AVEN: variants seen among roughly 807,000 people sequenced by gnomAD.
The protein encoded by AVEN is cell death regulator Aven.
AVEN carries 41 observed loss-of-function variants against 38.1 expected under a neutral mutation model. That is an observed-to-expected ratio of 1.08 (90% CI 0.84 to 1.40). The LOEUF (loss-of-function observed/expected upper bound fraction) is 1.40, where lower values mean the gene tolerates loss of function less well. Ranked by LOEUF, AVEN falls within the 40% of genes most tolerant of loss-of-function variation. AVEN has a pLI of 0.00. For missense variants in AVEN, 605 were observed against 438.8 expected (o/e 1.38, Z -3.38); for synonymous variants, 206 against 171.8 (o/e 1.20, Z -1.56).
intron 2 of AVEN, among the ~76,000 whole-genome samples, chr15:33,929,055 G>A (rs1276071568): frequency 1.3e-5 from 2 of 152,022 alleles, no homozygotes; most frequent in Non-Finnish European, 2.9e-5. Context: ...TTCTTACTAA[G>A]TTCCATAACA....
intron 5 of AVEN, among the ~76,000 whole-genome samples, chr15:34,055,206 T>G (rs1484891229): frequency 7.3e-6 from 1 of 137,646 alleles, no homozygotes; most frequent in East Asian, 2.2e-4. Context: ...AAAAAAAAAG[T>G]AAATAAACAA....
intron 2 of AVEN, among the ~76,000 whole-genome samples, chr15:33,924,021 A>G (rs1434474353): frequency 6.6e-6 from 1 of 151,996 alleles, no homozygotes; most frequent in Non-Finnish European, 1.5e-5. Flanking sequence ...TAATAATAAT[A>G]GAAATAAAGT....
At chr15:33,976,218 C>T (rs536051361) in intron 2 of AVEN, among the ~76,000 whole-genome samples, 33 of 152,142 alleles carry the variant, frequency 2.2e-4, no homozygotes, top group African/African-American at 8.0e-4. Context: ...TTATGACATA[C>T]TATTTATATT....
the AVEN span, chr15:33,853,443 T>C: frequency 8.9e-6 from 12 of 1,344,886 alleles, 1 homozygote; most frequent in African/African-American, 1.7e-4. Context: ...TATGTCTTCA[T>C]CTACCCCTTG....
chr15:33,874,711 G>A (rs1161547711), intron 3 of AVEN, among the ~76,000 whole-genome samples: 2 of 152,218 alleles, frequency 1.3e-5, no homozygotes, highest in African/African-American at 4.8e-5. Flanking sequence ...GGCATGGTCT[G>A]TCTCATTCAC....
intron 2 of AVEN, among the ~76,000 whole-genome samples, chr15:33,900,145 T>A (rs1892429510): frequency 6.6e-6 from 1 of 152,096 alleles, no homozygotes; most frequent in Non-Finnish European, 1.5e-5. Context: ...TTTTCTAGGA[T>A]ACTGCAATTA....
downstream of AVEN, among the ~76,000 whole-genome samples, chr15:33,855,241 A>T (rs1342793651): frequency 1.3e-5 from 2 of 151,740 alleles, no homozygotes; most frequent in Non-Finnish European, 2.9e-5. Flanking sequence ...TGTGTAGCCC[A>T]GGCTGGAGTG....
intron 1 of AVEN, among the ~76,000 whole-genome samples, chr15:34,072,871 G>A (rs925107328): frequency 4.0e-5 from 6 of 151,624 alleles, no homozygotes; most frequent in Non-Finnish European, 5.9e-5. Context: ...CGATGGTCTC[G>A]ATCTCCTGAC....
rs968374315 is a variant in AVEN at position 33,961,571 on chromosome 15, T to G, written c.445+41461A>C. ...GCTCATGCCTGTAATCCCAGCACTT[T>G]GGGAGGCCAAGGTGGGCGAATCACG... On this transcript the variant is annotated intron_variant, in intron 2 of 5. Transcript: ENST00000306730. Among the ~76,000 whole-genome samples the G allele has an allele frequency of 1.1e-4, 16 of 152,012 alleles. No homozygotes were observed. In the South Asian group the frequency reaches 3.1e-3, roughly 30 times the overall value.
chr15:33,904,694 A>AAAATAT (rs1464894437), intron 2 of AVEN, among the ~76,000 whole-genome samples: 99 of 112,748 alleles, frequency 8.8e-4, no homozygotes, highest in South Asian at 5.9e-3. Context: ...AAAAAAAAAA[A>AAAATAT]ATATATATAT....
At chr15:33,870,465 A>AACC (rs1038773980) in intron 4 of AVEN, among the ~76,000 whole-genome samples, 10 of 152,168 alleles carry the variant, frequency 6.6e-5, no homozygotes, top group African/African-American at 2.4e-4. Context: ...AGCCATTCCT[A>AACC]ACCACACCAC....
chr15:34,009,496 C>T (rs886325825), intron 1 of AVEN, among the ~76,000 whole-genome samples: 1 of 152,078 alleles, frequency 6.6e-6, no homozygotes, highest in African/African-American at 2.4e-5. Context: ...TATCCAACTA[C>T]AGCTGTCTAC....
intron 2 of AVEN, among the ~76,000 whole-genome samples, chr15:33,906,803 T>C (rs1892718577): frequency 6.6e-6 from 1 of 152,112 alleles, no homozygotes; most frequent in African/African-American, 2.4e-5. Context: ...ACTCTGGATA[T>C]GGATGATGAT....
chr15:33,949,574 G>C (rs955147529), intron 2 of AVEN, among the ~76,000 whole-genome samples: 1 of 152,062 alleles, frequency 6.6e-6, no homozygotes, highest in Non-Finnish European at 1.5e-5. Flanking sequence ...CTGAGGCTGG[G>C]TGTGGGAAGG....
Position 34,063,611 on chromosome 15 carries a change from G to A in AVEN, n.1127-179C>T, listed in dbSNP as rs747341138. On this transcript the variant is annotated intron_variant and non_coding_transcript_variant, in intron 4 of 11. Coordinates refer to the AVEN transcript ENST00000675287. This position sits in a 1 kb window ranked among gnomAD's most constrained non-coding sequence, Gnocchi z 4.1. The stretch of plus-strand genomic sequence containing the variant: ...CAAGCGCCAATTGGGCCAAAGCTGA[G>A]CAGCTCACCACCTGTAGCAGCTACC... 1 of 1,613,994 alleles carries A rather than the reference G, an allele frequency of 6.2e-7. No individual in the cohort carries two copies. The highest frequency in any genetic ancestry group is 1.1e-5 in the South Asian group (1 of 91,084).
intron 1 of AVEN, among the ~76,000 whole-genome samples, chr15:34,013,807 C>T (rs1897742947): frequency 6.6e-6 from 1 of 152,152 alleles, no homozygotes; most frequent in Non-Finnish European, 1.5e-5. Flanking sequence ...AGGAGGATGA[C>T]ATCACAGGCT....
intron 2 of AVEN, among the ~76,000 whole-genome samples, chr15:33,902,076 T>C (rs1892518063): frequency 6.6e-6 from 1 of 152,232 alleles, no homozygotes; most frequent in South Asian, 2.1e-4. Flanking sequence ...GCTTGAACTT[T>C]AGGTGTGATC....
At chr15:34,030,494 T>C (rs779118939) in intron 1 of AVEN, among the ~76,000 whole-genome samples, 7 of 152,026 alleles carry the variant, frequency 4.6e-5, no homozygotes, top group Non-Finnish European at 8.8e-5. Context: ...TACAGCTGCC[T>C]GCCACCTCGC....
rs772815473 is a variant in AVEN, at chr15:34,062,743, C to G, written n.1637+179G>C. On this transcript the variant is annotated intron_variant and non_coding_transcript_variant, in intron 5 of 11. Coordinates refer to the AVEN transcript ENST00000675287. ...ATGGAAGGGGATTCTTACCACAATG[C>G]AACCACCGTCAATGGCACCCCAGTA... The G allele has an allele frequency of 9.9e-6, 16 of 1,612,394 alleles. No homozygotes were observed. Among genetic ancestry groups the G allele is most frequent in the East Asian group, 4.5e-5 (2 of 44,858 alleles).
Sources: allele counts gnomAD v4.1 joint callset (sites outside exome capture counted in the v4.1 genomes callset), GRCh38; gene constraint gnomAD v4.1.1; non-coding constraint Gnocchi (gnomAD v3.1); transcripts MANE v1.5; gene names NCBI Gene and HGNC (gene_info 2026-07-23, HGNC 2026-07-21).